PRKAR1B: variants seen among roughly 807,000 people sequenced by gnomAD.
PRKAR1B encodes the protein protein kinase cAMP-dependent type I regulatory subunit beta, also known as cAMP-dependent protein kinase type I-beta regulatory subunit.
A neutral mutation model predicts 46.5 loss-of-function variants in PRKAR1B; 22 were observed. The ratio of observed to expected loss-of-function variants is 0.47; its 90% CI spans 0.34 to 0.68. The LOEUF is 0.68. Among genes scored for constraint, PRKAR1B ranks in the 30% least tolerant of loss-of-function variants. The pLI, the probability that PRKAR1B is intolerant of heterozygous loss-of-function variation, is 0.01. For synonymous variants in PRKAR1B, 259 were observed against 217.7 expected, an observed-to-expected ratio of 1.19 and a Z score of -1.67; for missense variants, 445 against 535.6, an observed-to-expected ratio of 0.83 and a Z score of 1.67.
chr7:595,189 C>T (rs1056427332), intron 7 of PRKAR1B, among the ~76,000 whole-genome samples: 1 of 152,222 alleles, frequency 6.6e-6, no homozygotes, highest in Admixed American at 6.5e-5. Flanking sequence ...GGCCCCTCAG[C>T]CCTGGCCCAG....
At chr7:673,379 G>A (rs1279553274) in intron 4 of PRKAR1B, among the ~76,000 whole-genome samples, 2 of 152,082 alleles carry the variant, frequency 1.3e-5, no homozygotes, top group African/African-American at 4.8e-5. Context: ...GCCGGGCGCG[G>A]TGGCTCACGC....
chr7:599,573 C>T (rs1415282105), intron 6 of PRKAR1B, among the ~76,000 whole-genome samples: 2 of 152,374 alleles, frequency 1.3e-5, no homozygotes, highest in Admixed American at 1.3e-4. Flanking sequence ...CAGGCGTGAG[C>T]CACCACGCCC....
chr7:567,553 CCATCACCTT>C (rs1171063161), intron 9 of PRKAR1B, among the ~76,000 whole-genome samples: 2 of 128,532 alleles, frequency 1.6e-5, no homozygotes, highest in African/African-American at 5.1e-5. Flanking sequence ...ATCATCATCA[CCATCACCTT>C]CATCACCATC....
intron 2 of PRKAR1B, among the ~76,000 whole-genome samples, chr7:682,651 A>G (rs960299796): frequency 1.3e-5 from 2 of 151,996 alleles, no homozygotes; most frequent in African/African-American, 4.8e-5. Flanking sequence ...AGGCTGAGGC[A>G]GGAGAATGGC....
At chr7:725,011 G>A (rs1015380080) in intron 1 of PRKAR1B, among the ~76,000 whole-genome samples, 14 of 152,204 alleles carry the variant, frequency 9.2e-5, no homozygotes, top group South Asian at 6.2e-4. Flanking sequence ...TCAGGACATC[G>A]AGACCATCCT....
chr7:683,410 G>A (rs991409696), intron 2 of PRKAR1B, among the ~76,000 whole-genome samples: 1 of 152,192 alleles, frequency 6.6e-6, no homozygotes, highest in Admixed American at 6.5e-5. Flanking sequence ...CACCGGTCCA[G>A]GTGGGTGAGG....
chr7:605,057 G>A (rs1234792726), intron 6 of PRKAR1B, among the ~76,000 whole-genome samples: 2 of 152,242 alleles, frequency 1.3e-5, no homozygotes, highest in East Asian at 1.9e-4. Context: ...AGGGTCCTAC[G>A]AGGGAGGCGT....
intron 4 of PRKAR1B, chr7:608,014 C>A (rs1161463981): frequency 6.5e-6 from 1 of 153,808 alleles, no homozygotes; most frequent in South Asian, 2.0e-4. Context: ...AACCAGGAAG[C>A]CTGGCTGTCC....
At chr7:611,163 A>G (rs1782458664) in intron 4 of PRKAR1B, among the ~76,000 whole-genome samples, 1 of 152,264 alleles carries the variant, frequency 6.6e-6, no homozygotes, top group African/African-American at 2.4e-5. Flanking sequence ...AGGTGAAGTC[A>G]GGCTGAAGCC....
intron 4 of PRKAR1B, among the ~76,000 whole-genome samples, chr7:611,966 G>C (rs1407675264): frequency 2.6e-5 from 4 of 151,068 alleles, no homozygotes; most frequent in Non-Finnish European, 4.4e-5. Context: ...TGGGTGAGTA[G>C]ATCAACGGAT....
At chr7:718,305 T>C (rs908074608) in intron 1 of PRKAR1B, among the ~76,000 whole-genome samples, 7 of 147,858 alleles carry the variant, frequency 4.7e-5, no homozygotes, top group Non-Finnish European at 8.9e-5. Context: ...CATACACATA[T>C]ATACATACAT....
intron 2 of PRKAR1B, chr7:691,428 G>C: frequency 8.4e-7 from 1 of 1,195,828 alleles, no homozygotes; most frequent in South Asian, 1.3e-5. Context: ...CAGGAGGGTG[G>C]CTTTGATGGA....
chr7:615,464 G>C (rs906779664), intron 4 of PRKAR1B, among the ~76,000 whole-genome samples: 9 of 144,526 alleles, frequency 6.2e-5, no homozygotes, highest in African/African-American at 2.3e-4. Context: ...AAAAAAGACA[G>C]AAAGAAGGAA....
upstream of PRKAR1B, chr7:727,334 G>A (rs1781366552): frequency 8.2e-7 from 1 of 1,222,816 alleles, no homozygotes; most frequent in South Asian, 2.8e-5. Context: ...CCCGGGCCCC[G>A]CTCCCACACG....
chr7:641,562 A>T (rs1488043250), intron 4 of PRKAR1B, among the ~76,000 whole-genome samples: 1 of 152,198 alleles, frequency 6.6e-6, no homozygotes, highest in Non-Finnish European at 1.5e-5. Context: ...TATTGTTCAT[A>T]ATAGCTCCAA....
At chr7:708,834 C>A (rs1369024728) in intron 2 of PRKAR1B, among the ~76,000 whole-genome samples, 1 of 150,788 alleles carries the variant, frequency 6.6e-6, no homozygotes, top group African/African-American at 2.4e-5. Flanking sequence ...CCTCTGTCGC[C>A]CAGGCCAGAG....
chr7:638,368 C>G (rs1376133403), intron 4 of PRKAR1B, among the ~76,000 whole-genome samples: 1 of 152,140 alleles, frequency 6.6e-6, no homozygotes, highest in Non-Finnish European at 1.5e-5. Context: ...CTGGAGAGCT[C>G]CCCCAGCTCC....
At chr7:695,866 G>A (rs144151986) in intron 2 of PRKAR1B, among the ~76,000 whole-genome samples, 5 of 151,504 alleles carry the variant, frequency 3.3e-5, no homozygotes, top group South Asian at 2.1e-4. Flanking sequence ...GGGTTTCAGC[G>A]TGTTAGCCAT....
At chr7:608,059 A>G (rs1296589421) in intron 4 of PRKAR1B, 2 of 153,208 alleles carry the variant, frequency 1.3e-5, no homozygotes, top group African/African-American at 4.8e-5. Context: ...TGGACCATGC[A>G]GACAGGACCC....
Sources: gnomAD v4.1 joint callset for allele counts (sites outside exome capture counted in the v4.1 genomes callset) on GRCh38, gnomAD v4.1.1 for gene constraint, MANE v1.5 for transcripts, NCBI Gene and HGNC (gene_info 2026-07-23, HGNC 2026-07-21) for gene names.